BTBD9: variants seen among roughly 807,000 people sequenced by gnomAD.
The protein encoded by BTBD9 is BTB domain containing 9.
A neutral mutation model predicts 64.3 loss-of-function variants in BTBD9; 49 were observed. The ratio of observed to expected loss-of-function variants is 0.76; its 90% CI spans 0.61 to 0.97. The LOEUF is 0.97. Ranked by LOEUF, BTBD9 falls within the 50% of genes least tolerant of loss-of-function variation. BTBD9 has a pLI of 0.00. For synonymous variants in BTBD9, 260 were observed against 274.7 expected (o/e 0.95, Z 0.53); for missense variants, 598 against 762.1 (o/e 0.78, Z 2.53).
intron 9 of BTBD9, 60 bp downstream of exon 9, chr6:38,256,349 C>G: frequency 7.8e-7 from 1 of 1,285,458 alleles, no homozygotes; most frequent in Non-Finnish European, 1.1e-6. Flanking sequence ...TTGAGCCTCC[C>G]AATCCACTGG....
At chr6:38,330,468 C>G (rs190899576) in intron 7 of BTBD9, among the ~76,000 whole-genome samples, 3 of 152,112 alleles carry the variant, frequency 2.0e-5, no homozygotes, top group Admixed American at 2.0e-4. Context: ...GAGAGTATCA[C>G]TTAAGCCCAG....
At chr6:38,522,700 CCTT>C (rs887198893) in intron 6 of BTBD9, among the ~76,000 whole-genome samples, 9 of 152,124 alleles carry the variant, frequency 5.9e-5, no homozygotes, top group African/African-American at 2.2e-4. Context: ...CAGTATCAGT[CCTT>C]CTTCTTGAGT....
chr6:38,260,784 G>C (rs1039787481), intron 8 of BTBD9, among the ~76,000 whole-genome samples: 2 of 152,062 alleles, frequency 1.3e-5, no homozygotes, highest in Non-Finnish European at 2.9e-5. Flanking sequence ...TTTGCTTAAT[G>C]GTCTATTATG....
chr6:38,280,161 A>G (rs1460968682), intron 8 of BTBD9, among the ~76,000 whole-genome samples: 9 of 152,192 alleles, frequency 5.9e-5, no homozygotes, highest in African/African-American at 2.2e-4. Flanking sequence ...AGGCATATTT[A>G]CCATGCCCCC....
chr6:38,565,076 ATTC>A (rs1775430198), intron 6 of BTBD9, among the ~76,000 whole-genome samples: 1 of 152,202 alleles, frequency 6.6e-6, no homozygotes, highest in South Asian at 2.1e-4. Context: ...AAACTTCAAA[ATTC>A]TTCTTGATTT....
At chr6:38,636,776 C>G (rs1022172384) in intron 1 of BTBD9, among the ~76,000 whole-genome samples, 1 of 152,120 alleles carries the variant, frequency 6.6e-6, no homozygotes, top group African/African-American at 2.4e-5. Context: ...AAGTGGAAGA[C>G]CCCCTCATAA....
intron 6 of BTBD9, among the ~76,000 whole-genome samples, chr6:38,466,780 G>C (rs2127361432): frequency 6.6e-6 from 1 of 152,208 alleles, no homozygotes; most frequent in East Asian, 1.9e-4. Context: ...GTTCTGTAAT[G>C]TTGGCCAGGC....
At chr6:38,468,719 A>C (rs113695401) in intron 6 of BTBD9, among the ~76,000 whole-genome samples, 78 of 152,322 alleles carry the variant, frequency 5.1e-4, no homozygotes, top group African/African-American at 1.8e-3. Flanking sequence ...ATCATCTACT[A>C]TATAGAGTAT....
intron 6 of BTBD9, among the ~76,000 whole-genome samples, chr6:38,535,708 C>T (rs766462874): frequency 2.0e-5 from 3 of 152,050 alleles, no homozygotes; most frequent in Non-Finnish European, 4.4e-5. Flanking sequence ...AATCCACACA[C>T]CTACAGTGAA....
chr6:38,221,880 A>G (rs1159235887), intron 9 of BTBD9, among the ~76,000 whole-genome samples: 1 of 152,138 alleles, frequency 6.6e-6, no homozygotes, highest in African/African-American at 2.4e-5. Context: ...AGTCCCAGCT[A>G]CTTGGGAGGC....
intron 6 of BTBD9, chr6:38,482,542 T>C (rs1324093134): frequency 1.3e-5 from 2 of 152,210 alleles, no homozygotes; most frequent in African/African-American, 2.4e-5. Flanking sequence ...TGCTCTTGAA[T>C]TACTTTCCTT....
intron 10 of BTBD9, among the ~76,000 whole-genome samples, chr6:38,187,902 G>C (rs1761886862): frequency 6.6e-6 from 1 of 151,992 alleles, no homozygotes; most frequent in African/African-American, 2.4e-5. Context: ...TCAGAAGCGT[G>C]CCAGAGCAGG....
intron 6 of BTBD9, among the ~76,000 whole-genome samples, chr6:38,362,138 C>G (rs1764987576): frequency 6.6e-6 from 1 of 152,196 alleles, no homozygotes; most frequent in Non-Finnish European, 1.5e-5. Flanking sequence ...TCTCCTTACT[C>G]CCATAGTGAA....
Position 38,169,452 on chromosome 6 carries a change from C to T in BTBD9, c.*5533G>A, listed in dbSNP as rs77385487. On this transcript the variant is annotated 3_prime_UTR_variant, in exon 11 of 11. Coordinates refer to ENST00000481247, the MANE Select transcript of BTBD9 (RefSeq NM_001099272.2). ...CTTCCTGGGACATAAACCCCTGGGG[C>T]TCATGTGGTGGGGAGCAATTTGGCA... is the stretch of plus-strand genomic sequence containing the variant. 0.085 allele frequency: 12,538 copies of T among 148,268 alleles called. 573 individuals carry two copies. Among genetic ancestry groups the T allele is most frequent in the African/African-American group, 0.1 (4,156 of 40,320 alleles). 9.2% of individuals were successfully genotyped at this position (148,268 alleles called of 1,614,324 possible). A position where few individuals can be genotyped will look rare whatever the true frequency, so the allele number is the denominator to read the frequency against.
intron 6 of BTBD9, among the ~76,000 whole-genome samples, chr6:38,488,529 A>C (rs918083848): frequency 6.6e-6 from 1 of 152,184 alleles, no homozygotes; most frequent in Admixed American, 6.5e-5. Flanking sequence ...GGCATAGCAC[A>C]GTCCTGTCTC....
intron 8 of BTBD9, among the ~76,000 whole-genome samples, chr6:38,285,448 G>C (rs1761692765): frequency 6.6e-6 from 1 of 151,978 alleles, no homozygotes; most frequent in South Asian, 2.1e-4. Flanking sequence ...AACAGGGAGG[G>C]AAGGATAATG....
In BTBD9 at chr6:38,216,232, G is replaced by A. The variant is rs150280960; in HGVS notation, c.1563-23635C>T. ...ACTCTGAGTGATGGCTGTACCCTTG[G>A]GGTATCCATCTTTGTTTTTATGATT... On this transcript the variant is annotated intron_variant, in intron 9 of 10. Coordinates refer to ENST00000481247, the MANE Select transcript of BTBD9 (RefSeq NM_001099272.2). Among the ~76,000 whole-genome samples the A allele has an allele frequency of 4.6e-3, 693 of 152,254 alleles. 6 individuals are homozygous for A. The highest frequency in any genetic ancestry group is 0.015 in the African/African-American group (642 of 41,548).
Position 38,459,297 on chromosome 6 carries a change from C to T in BTBD9, c.1155-114204G>A, listed in dbSNP as rs1340069597. On this transcript the variant is annotated intron_variant, in intron 6 of 10. Coordinates refer to ENST00000481247, the MANE Select transcript of BTBD9 (RefSeq NM_001099272.2). ...CCTCCCAAAGTGCTGGGATTACAGG[C>T]GTGAGCCATGTGCCTGGCTATGACC... Among the ~76,000 whole-genome samples, 11 of 152,294 alleles carry T rather than the reference C, an allele frequency of 7.2e-5. No homozygotes were observed. In the East Asian group the frequency reaches 1.4e-3, roughly 19 times the overall value.
intron 9 of BTBD9, among the ~76,000 whole-genome samples, chr6:38,200,989 C>T (rs1762444536): frequency 6.6e-6 from 1 of 151,704 alleles, no homozygotes; most frequent in Admixed American, 6.6e-5. Flanking sequence ...CATGACATGC[C>T]AGCCTGGGCA....
Sources: gnomAD v4.1 joint callset for allele counts (sites outside exome capture counted in the v4.1 genomes callset) on GRCh38, gnomAD v4.1.1 for gene constraint, MANE v1.5 for transcripts, NCBI Gene and HGNC (gene_info 2026-07-23, HGNC 2026-07-21) for gene names.